The following NCOR1 variants were observed in gnomAD, a reference collection of about 807,000 sequenced individuals.
NCOR1 encodes nuclear receptor corepressor 1.
Under a neutral mutation model 288.1 loss-of-function variants are expected in NCOR1, and 63 were observed. That is an observed-to-expected ratio of 0.22 (90% CI 0.18 to 0.27). The LOEUF (loss-of-function observed/expected upper bound fraction) is 0.27. Ranked by LOEUF, NCOR1 falls within the 10% of genes least tolerant of loss-of-function variation. NCOR1 has a pLI of 1.00. For synonymous variants in NCOR1, 1,007 were observed against 1,065.9 expected, an observed-to-expected ratio of 0.94 and a Z score of 1.08; for missense variants, 2,397 against 3,019.2, an observed-to-expected ratio of 0.79 and a Z score of 4.83.
At position 16,064,309 on chromosome 17, in the gene NCOR1, G is replaced by C. The variant is rs2060878595; in HGVS notation, c.5102-122C>G. Reference sequence around the variant, plus strand: ...AAGCTTCAAATTTGGGATATAAGAAGTTTGTTTTGGCTGGGTGCAGTGGCT... The same window carrying C: ...AAGCTTCAAATTTGGGATATAAGAACTTTGTTTTGGCTGGGTGCAGTGGCT... On this transcript the variant is annotated intron_variant, in intron 34 of 45. Coordinates refer to ENST00000268712, the MANE Select transcript of NCOR1 (RefSeq NM_006311.4). 5 of 1,330,516 alleles carry C rather than the reference G, an allele frequency of 3.8e-6. No homozygotes were observed. In the South Asian group the frequency reaches 6.9e-5, roughly 18 times the overall value. 82.4% of individuals were successfully genotyped at this position (1,330,516 alleles called of 1,614,324 possible). A position where few individuals can be genotyped will look rare whatever the true frequency, so the allele number is the denominator to read the frequency against.
intron 4 of NCOR1, among the ~76,000 whole-genome samples, chr17:16,169,392 T>C (rs963381634): frequency 6.6e-6 from 1 of 152,220 alleles, no homozygotes; most frequent in African/African-American, 2.4e-5. Context: ...CTGTAGGTAA[T>C]TTTTTCTTTC....
chr17:16,177,595 G>A (rs912098502), intron 3 of NCOR1, among the ~76,000 whole-genome samples: 12 of 152,076 alleles, frequency 7.9e-5, no homozygotes, highest in South Asian at 2.1e-4. Flanking sequence ...TCTATGGCCC[G>A]AGGGAACATG....
intron 23 of NCOR1, 111 bp from the exon 24 acceptor site, chr17:16,080,838 T>C (rs1008873957): frequency 6.5e-6 from 6 of 924,564 alleles, no homozygotes; most frequent in Non-Finnish European, 7.8e-6. Context: ...AAAAAAATTA[T>C]ACCCCTTCTA....
At chr17:16,043,044 T>C (rs1292129027) in intron 42 of NCOR1, among the ~76,000 whole-genome samples, 1 of 152,082 alleles carries the variant, frequency 6.6e-6, no homozygotes, top group African/African-American at 2.4e-5. Flanking sequence ...AAAGCAAGAC[T>C]GAGCTTCTAA....
chr17:16,116,316 G>A (rs143405147), intron 18 of NCOR1, among the ~76,000 whole-genome samples: 12 of 152,276 alleles, frequency 7.9e-5, no homozygotes, highest in African/African-American at 2.9e-4. Flanking sequence ...CATTTGGAAA[G>A]TAGAGTTAAA....
intron 21 of NCOR1, among the ~76,000 whole-genome samples, chr17:16,092,669 ATATATATATATATATATATATATATATT>A (rs2065457827): frequency 7.4e-5 from 1 of 13,464 alleles, no homozygotes; most frequent in Non-Finnish European, 1.3e-4. Flanking sequence ...ATATATATAT[ATATATATATATATATATATATATATATT>A]TTTTTTTTTT....
intron 6 of NCOR1, among the ~76,000 whole-genome samples, chr17:16,158,244 G>T (rs1310441818): frequency 6.6e-6 from 1 of 152,186 alleles, no homozygotes; most frequent in African/African-American, 2.4e-5. Context: ...AAAGTACTGG[G>T]ATTATGGGCA....
intron 27 of NCOR1, among the ~76,000 whole-genome samples, chr17:16,074,126 G>A (rs946613556): frequency 2.2e-4 from 34 of 152,128 alleles, no homozygotes; most frequent in Admixed American, 2.0e-3. Flanking sequence ...GGAGTTGGGA[G>A]GAAGAGTGTG....
At chr17:16,189,871 C>A (rs115329507) in intron 2 of NCOR1, among the ~76,000 whole-genome samples, 2,180 of 152,216 alleles carry the variant, frequency 0.014, 56 homozygotes, top group African/African-American at 0.05. Flanking sequence ...TGAATAGAAG[C>A]AAACAGCAAA....
At chr17:16,171,782 G>C in intron 4 of NCOR1, 21 bp downstream of exon 4, 1 of 1,535,450 alleles carries the variant, frequency 6.5e-7, no homozygotes, top group Non-Finnish European at 8.7e-7. Flanking sequence ...AACTCTACAG[G>C]GTAAGAGAAC....
At chr17:16,110,877 G>A (rs1340570486) in intron 18 of NCOR1, among the ~76,000 whole-genome samples, 1 of 152,186 alleles carries the variant, frequency 6.6e-6, no homozygotes, top group Non-Finnish European at 1.5e-5. Flanking sequence ...TTCATAGCAG[G>A]AATGCAAGAG....
At position 16,108,911 on chromosome 17, in the gene NCOR1, G is replaced by C. The variant is rs2153056963; in HGVS notation, c.2057C>G (p.Thr686Ser). The change falls in exon 19 of 46, where the codon ACT becomes AGT. Residue 686 changes from threonine (T) to serine (S), a missense_variant and splice_region_variant. Physicochemically the swap from Thr to Ser is moderately conservative, Grantham distance 58. Around this residue, in one of 11 missense-constraint regions of NCOR1, gnomAD observed 1,872 missense variants for 2,187.8 expected, o/e 0.86. Transcript: ENST00000268712. The stretch of plus-strand genomic sequence containing the variant: ...TCGCTCTTCACGAGGTTTTCGTGAA[G>C]TCTAAAGGAGGAAAGAGTATTATTT... Reference protein sequence around the residue: ...DNLLQQHKQKTSRKPREERDV... With the variant: ...DNLLQQHKQKSSRKPREERDV... 6.4e-7 allele frequency: 1 copy of C among 1,565,792 alleles called. No homozygotes were observed. The highest frequency in any genetic ancestry group is 8.6e-7 in the Non-Finnish European group (1 of 1,160,524).
chr17:16,064,088 G>C lies in NCOR1; in HGVS notation c.5201C>G (p.Ser1734Cys). ...CTGACCTGGCCGCAGGTAGAGGTCG[G>C]AGGAAGCTGCAGCAATCCGTTCCCG... is the stretch of plus-strand genomic sequence containing the variant. The part of the protein sequence containing the change: ...RERERIAAAS[S>C]DLYLRPGSEQ... Residue 1734 changes from serine to cysteine, a missense_variant, in exon 35 of 46, where the codon TCC becomes TGC. Transcript: ENST00000268712. The C allele has an allele frequency of 6.2e-7, 1 of 1,614,100 alleles. No homozygotes were observed. Among genetic ancestry groups the C allele is most frequent in the South Asian group, 1.1e-5 (1 of 91,072 alleles).
intron 1 of NCOR1, among the ~76,000 whole-genome samples, chr17:16,200,367 C>T (rs1055824117): frequency 8.6e-5 from 13 of 151,760 alleles, no homozygotes; most frequent in African/African-American, 3.1e-4. Context: ...CATGGTGGTG[C>T]ACACCTATAG....
intron 18 of NCOR1, among the ~76,000 whole-genome samples, chr17:16,109,559 A>G (rs1449407949): frequency 6.6e-6 from 1 of 152,162 alleles, no homozygotes; most frequent in Non-Finnish European, 1.5e-5. Flanking sequence ...CATAATACTG[A>G]CATATATTAT....
chr17:16,113,752 G>A (rs1340394234), intron 18 of NCOR1, among the ~76,000 whole-genome samples: 1 of 152,070 alleles, frequency 6.6e-6, no homozygotes, highest in Non-Finnish European at 1.5e-5. Context: ...AATTAGCTGG[G>A]CATAGCGGCG....
chr17:16,203,259 A>C (rs529832565), intron 1 of NCOR1, among the ~76,000 whole-genome samples: 1 of 152,322 alleles, frequency 6.6e-6, no homozygotes, highest in Non-Finnish European at 1.5e-5. Flanking sequence ...TACGCACCGC[A>C]AATAAAGTCT....
At chr17:16,071,226 G>C (rs1161934601) in intron 30 of NCOR1, among the ~76,000 whole-genome samples, 183 bp downstream of exon 30, 2 of 151,512 alleles carry the variant, frequency 1.3e-5, no homozygotes, top group African/African-American at 4.9e-5. Flanking sequence ...TATATAGTGA[G>C]CTGTGATCAC....
intron 1 of NCOR1, among the ~76,000 whole-genome samples, chr17:16,203,060 C>T (rs1186362427): frequency 6.6e-6 from 1 of 151,802 alleles, no homozygotes; most frequent in South Asian, 2.1e-4. Context: ...CACACACACA[C>T]ACACACACAC....
Sources: allele counts gnomAD v4.1 joint callset (sites outside exome capture counted in the v4.1 genomes callset), GRCh38; gene constraint gnomAD v4.1.1; regional missense constraint gnomAD v4.1.1; transcripts MANE v1.5; gene names NCBI Gene and HGNC (gene_info 2026-07-23, HGNC 2026-07-21).